The following FGD6 variants were observed in gnomAD, a reference collection of about 807,000 sequenced individuals.
FGD6 encodes FYVE, RhoGEF and PH domain-containing protein 6.
In FGD6, 90 loss-of-function variants were observed where a neutral mutation model predicts 149.4. That is an observed-to-expected ratio of 0.60 (90% CI 0.51 to 0.72). The LOEUF is 0.72. FGD6 is among the 30% of genes least tolerant of loss of function. The probability of loss-of-function intolerance (pLI) is 0.00; values close to 1 mark genes in which losing one functional copy is unlikely to be tolerated. For missense variants in FGD6, 1,437 were observed against 1,684.8 expected (o/e 0.85, Z 2.57); for synonymous variants, 527 against 584.0 (o/e 0.90, Z 1.41).
At chr12:95,161,339 T>A (rs1880635918) in intron 3 of FGD6, among the ~76,000 whole-genome samples, 1 of 151,910 alleles carries the variant, frequency 6.6e-6, no homozygotes, top group South Asian at 2.1e-4. Context: ...CCACTAAAAA[T>A]ACAAAAATTA....
At chr12:95,116,997 G>A (rs1350463452) in intron 8 of FGD6, 1 of 446,230 alleles carries the variant, frequency 2.2e-6, no homozygotes, top group African/African-American at 2.0e-5. Flanking sequence ...TGAAACCCAG[G>A]AAAGGAGACC....
rs1159799384 is a variant in FGD6, at chr12:95,098,900, C to T, written c.3498-4206G>A. Reference sequence around the variant, plus strand: ...TTTTTTTTTTTTTGAGACGGAGTCTCGCTCTGTTGCCTAGGTTGGAGTGTA... The same window carrying T: ...TTTTTTTTTTTTTGAGACGGAGTCTTGCTCTGTTGCCTAGGTTGGAGTGTA... On this transcript the variant is annotated intron_variant, in intron 14 of 20. Coordinates refer to ENST00000343958, the MANE Select transcript of FGD6 (RefSeq NM_018351.4). Among the ~76,000 whole-genome samples the T allele has an allele frequency of 3.7e-5, 5 of 136,086 alleles. No homozygotes were observed. In the East Asian group the frequency reaches 6.4e-4, roughly 18 times the overall value. 89.3% of individuals were successfully genotyped at this position (136,086 alleles called of 152,430 possible). A position where few individuals can be genotyped will look rare whatever the true frequency, so the allele number is the denominator to read the frequency against.
intron 5 of FGD6, 55 bp from the exon 6 acceptor site, chr12:95,141,594 GC>G: frequency 6.3e-7 from 1 of 1,587,766 alleles, no homozygotes; most frequent in South Asian, 1.1e-5. Context: ...TTGATAACAA[GC>G]TTTTATCCTC....
At chr12:95,108,822 C>T (rs1212250031) in intron 9 of FGD6, among the ~76,000 whole-genome samples, 4 of 152,090 alleles carry the variant, frequency 2.6e-5, no homozygotes, top group Non-Finnish European at 4.4e-5. Flanking sequence ...TAAAGAGACA[C>T]TGTAGACCAT....
At chr12:95,104,681 G>A (rs184733883) in intron 14 of FGD6, among the ~76,000 whole-genome samples, 2 of 152,208 alleles carry the variant, frequency 1.3e-5, no homozygotes, top group South Asian at 2.1e-4. Flanking sequence ...GACCTCAAGT[G>A]ATCTGCCCAG....
chr12:95,203,036 A>G (rs2056671111), intron 2 of FGD6, among the ~76,000 whole-genome samples: 1 of 152,210 alleles, frequency 6.6e-6, no homozygotes, highest in African/African-American at 2.4e-5. Flanking sequence ...AAATCCAACA[A>G]TACCATGAGG....
At chr12:95,110,365 T>C (rs1251366569) in intron 9 of FGD6, among the ~76,000 whole-genome samples, 2 of 151,450 alleles carry the variant, frequency 1.3e-5, no homozygotes, top group Non-Finnish European at 1.5e-5. Flanking sequence ...ATCAGAATTT[T>C]TTTTTTTTTT....
intron 2 of FGD6, among the ~76,000 whole-genome samples, chr12:95,205,920 G>C (rs1216541717): frequency 5.3e-5 from 8 of 152,190 alleles, no homozygotes; most frequent in Non-Finnish European, 1.2e-4. Context: ...GCTTTTACCA[G>C]GCTGCCCTAC....
At chr12:95,216,446 A>G (rs1389086574) in intron 1 of FGD6, among the ~76,000 whole-genome samples, 1 of 152,242 alleles carries the variant, frequency 6.6e-6, no homozygotes, top group Non-Finnish European at 1.5e-5. Context: ...GTACTTACGA[A>G]GTGAACGTAA....
At chr12:95,180,961 A>G (rs1010671044) in intron 2 of FGD6, among the ~76,000 whole-genome samples, 3 of 150,244 alleles carry the variant, frequency 2.0e-5, no homozygotes, top group Non-Finnish European at 4.4e-5. Flanking sequence ...CCAGACTTGG[A>G]GGTCTGTGTA....
intron 8 of FGD6, among the ~76,000 whole-genome samples, chr12:95,128,194 A>G (rs1879405428): frequency 6.6e-6 from 1 of 152,118 alleles, no homozygotes; most frequent in Non-Finnish European, 1.5e-5. Context: ...TCTCAAACTG[A>G]GTGAGTATCT....
At chr12:95,101,724 C>T (rs1338937492) in intron 14 of FGD6, among the ~76,000 whole-genome samples, 4 of 126,684 alleles carry the variant, frequency 3.2e-5, no homozygotes, top group Non-Finnish European at 6.2e-5. Flanking sequence ...CACTCTGTTG[C>T]CAGGTTGGAG....
intron 8 of FGD6, among the ~76,000 whole-genome samples, chr12:95,120,507 C>A (rs924926047): frequency 1.3e-5 from 2 of 151,540 alleles, no homozygotes; most frequent in African/African-American, 4.9e-5. Context: ...GCCAACATAG[C>A]GAAACCCTGT....
intron 2 of FGD6, among the ~76,000 whole-genome samples, chr12:95,207,927 G>C (rs1018449304): frequency 3.9e-5 from 6 of 152,140 alleles, no homozygotes; most frequent in African/African-American, 1.4e-4. Context: ...GATGGAGTAG[G>C]TATTCCACAG....
In FGD6 at chr12:95,187,330, C is replaced by CA. The variant is rs149659221; in HGVS notation, c.2442-14587dup. Among the ~76,000 whole-genome samples, 385 of 107,050 alleles carry CA rather than the reference C, an allele frequency of 3.6e-3. 5 individuals carry two copies. Among genetic ancestry groups the CA allele is most frequent in the South Asian group, 0.033 (109 of 3,350 alleles). The allele number at this position is 107,050 out of a possible 152,430, so 70.2% of individuals were successfully genotyped here. ...TGGGAGACAGTGCAAGACTCCATTT[C>CA]AAAAAAAAAAAAAACAAGTTACTTC... is the stretch of plus-strand genomic sequence containing the variant. On this transcript the variant is annotated intron_variant, in intron 2 of 20. Transcript: ENST00000343958.
intron 2 of FGD6, among the ~76,000 whole-genome samples, chr12:95,177,816 G>A (rs1881174725): frequency 6.6e-6 from 1 of 151,990 alleles, no homozygotes; most frequent in African/African-American, 2.4e-5. Context: ...TGTTTTACCA[G>A]GAAACATTTC....
chr12:95,106,592 G>A (rs757546448), intron 13 of FGD6, among the ~76,000 whole-genome samples: 1 of 151,898 alleles, frequency 6.6e-6, no homozygotes, highest in Admixed American at 6.6e-5. Context: ...ACCTTATTTG[G>A]GTTTAAAAAC....
intron 9 of FGD6, among the ~76,000 whole-genome samples, chr12:95,110,666 AT>A (rs1878790872): frequency 6.6e-6 from 1 of 152,042 alleles, no homozygotes; most frequent in African/African-American, 2.4e-5. Flanking sequence ...ATGTATCAGA[AT>A]TTACGGTGCC....
chr12:95,081,473 T>C lies in FGD6; in HGVS notation c.*47A>G. On this transcript the variant is annotated 3_prime_UTR_variant, in exon 21 of 21. Coordinates refer to ENST00000343958, the MANE Select transcript of FGD6 (RefSeq NM_018351.4). ...TTGAATTGCATTTACTCCATTCTGA[T>C]GAAATTCCACCTCTTTGGAATCACA... The C allele has an allele frequency of 1.3e-6, 2 of 1,548,022 alleles. No homozygotes were observed. The highest frequency in any genetic ancestry group is 1.8e-6 in the Non-Finnish European group (2 of 1,140,596).
Sources: gnomAD v4.1 joint callset for allele counts (sites outside exome capture counted in the v4.1 genomes callset) on GRCh38, gnomAD v4.1.1 for gene constraint, MANE v1.5 for transcripts, NCBI Gene and HGNC (gene_info 2026-07-23, HGNC 2026-07-21) for gene names.